Variants in ASPH observed in about 807,000 individuals in gnomAD.
ASPH encodes the protein aspartate beta-hydroxylase.
In ASPH, 100 loss-of-function variants were observed where a neutral mutation model predicts 118.4. The ratio of observed to expected loss-of-function variants is 0.84; its 90% CI spans 0.72 to 1.00. The LOEUF (loss-of-function observed/expected upper bound fraction) is 1.00. Among genes scored for constraint, ASPH ranks in the 50% least tolerant of loss-of-function variants. The pLI is 0.00. For missense variants in ASPH, 920 were observed against 919.5 expected (o/e 1.00, Z -0.01); for synonymous variants, 315 against 325.6 (o/e 0.97, Z 0.35).
chr8:61,508,282 T>C (rs567036068), intron 24 of ASPH, among the ~76,000 whole-genome samples: 1 of 152,228 alleles, frequency 6.6e-6, no homozygotes, highest in East Asian at 1.9e-4. Context: ...TCTCAAAGAG[T>C]TGGGATTACA....
intron 3 of ASPH, chr8:61,664,759 A>C: frequency 1.0e-6 from 1 of 986,314 alleles, no homozygotes; most frequent in South Asian, 4.7e-5. Flanking sequence ...GCTGGAGAGG[A>C]GGGAAGGTGG....
intron 22 of ASPH, among the ~76,000 whole-genome samples, chr8:61,521,368 T>C (rs539376879): frequency 2.0e-5 from 3 of 151,492 alleles, no homozygotes; most frequent in Non-Finnish European, 2.9e-5. Context: ...CTGTGCCAAG[T>C]CTTTCATCTA....
intron 3 of ASPH, chr8:61,662,875 T>C (rs1817633191): frequency 4.1e-6 from 4 of 984,282 alleles, no homozygotes; most frequent in Non-Finnish European, 4.8e-6. Context: ...CTTTTGATGA[T>C]TAGGTTATTC....
rs1387469075 is a variant in ASPH, at chr8:61,584,142, C to A, written c.977-113G>T. ...GATGCTGGTCTCCACCAAAGACCTG[C>A]AGGAGAAGGCACACTGCAGGCTCGC... On this transcript the variant is annotated intron_variant, in intron 14 of 24. Transcript: ENST00000379454. 11 of 639,922 alleles carry A rather than the reference C, an allele frequency of 1.7e-5. No homozygotes were observed. In the Admixed American group the frequency reaches 2.8e-4, roughly 17 times the overall value. The allele number at this position is 639,922 out of a possible 1,614,324, so 39.6% of individuals were successfully genotyped here. A position where few individuals can be genotyped will look rare whatever the true frequency, so the allele number is the denominator to read the frequency against.
At chr8:61,694,185 T>G (rs997278835) in intron 1 of ASPH, among the ~76,000 whole-genome samples, 3 of 152,176 alleles carry the variant, frequency 2.0e-5, no homozygotes, top group Non-Finnish European at 2.9e-5. Flanking sequence ...GAGTGCCCAA[T>G]GCCCAGCACA....
At chr8:61,657,860 A>G (rs1276518421) in intron 3 of ASPH, 1 of 152,226 alleles carries the variant, frequency 6.6e-6, no homozygotes, top group Non-Finnish European at 1.5e-5. Context: ...GCCCATTAAA[A>G]AGCTAAAAAG....
chr8:61,525,354 ACG>A (rs144009141), intron 22 of ASPH, among the ~76,000 whole-genome samples: 2 of 132,892 alleles, frequency 1.5e-5, no homozygotes, highest in Admixed American at 7.8e-5. Flanking sequence ...ACACACACAC[ACG>A]CACACACACA....
intron 15 of ASPH, among the ~76,000 whole-genome samples, chr8:61,581,466 A>G (rs1837501407): frequency 6.6e-6 from 1 of 152,262 alleles, no homozygotes; most frequent in African/African-American, 2.4e-5. Context: ...GAAGGATAAT[A>G]AGATACATTC....
rs556788967 is a variant in ASPH at position 61,687,492 on chromosome 8, C to T, written c.104-3304G>A. ...GCTCTATGCACAAAACTCTACATTT[C>T]AGACACAATCTAACCCAATGAGTCA... On this transcript the variant is annotated intron_variant, in intron 1 of 24. Coordinates refer to ENST00000379454, the MANE Select transcript of ASPH (RefSeq NM_004318.4). 3 of 152,270 alleles carry T rather than the reference C, an allele frequency of 2.0e-5. No individual in the cohort carries two copies. The East Asian group carries it at 5.8e-4, about 29-fold the overall frequency. The allele number at this position is 152,270 out of a possible 1,614,324, so 9.4% of individuals were successfully genotyped here. A position where few individuals can be genotyped will look rare whatever the true frequency, so the allele number is the denominator to read the frequency against.
At chr8:61,556,414 G>A (rs1445267014) in intron 18 of ASPH, among the ~76,000 whole-genome samples, 1 of 152,140 alleles carries the variant, frequency 6.6e-6, no homozygotes, top group African/African-American at 2.4e-5. Flanking sequence ...ATTCTGAATG[G>A]TTATTAGACA....
chr8:61,700,346 C>T (rs573918459), intron 1 of ASPH, among the ~76,000 whole-genome samples: 4 of 152,338 alleles, frequency 2.6e-5, no homozygotes, highest in African/African-American at 9.6e-5. Flanking sequence ...CCCCTCCTGC[C>T]CTGCTGCAAA....
At chr8:61,621,279 G>A (rs1002345730) in intron 13 of ASPH, among the ~76,000 whole-genome samples, 1 of 149,392 alleles carries the variant, frequency 6.7e-6, no homozygotes, top group Non-Finnish European at 1.5e-5. Flanking sequence ...GTAATACTTT[G>A]CATTAGTTTT....
At chr8:61,555,839 A>G in intron 19 of ASPH, 85 bp downstream of exon 19, 2 of 1,185,082 alleles carry the variant, frequency 1.7e-6, no homozygotes, top group Non-Finnish European at 1.2e-6. Context: ...AGTGCATGCA[A>G]TCAATCTACA....
chr8:61,616,859 AC>A (rs1211797336), intron 14 of ASPH, among the ~76,000 whole-genome samples: 10 of 152,090 alleles, frequency 6.6e-5, no homozygotes, highest in Non-Finnish European at 1.5e-4. Flanking sequence ...TGGTCTCCCT[AC>A]TGGGATGTGA....
Position 61,548,090 on chromosome 8 carries a change from C to T in ASPH, c.1745G>A (p.Gly582Asp). 1 of 1,613,684 alleles carries T rather than the reference C, an allele frequency of 6.2e-7. No individual in the cohort carries two copies. The highest frequency in any genetic ancestry group is 8.5e-7 in the Non-Finnish European group (1 of 1,179,738). Residue 582 changes from glycine to aspartate, a missense_variant, in exon 21 of 25, where the codon GGC becomes GAC. Gly to Asp is a moderately conservative substitution (Grantham distance 94). Transcript: ENST00000379454. Reference sequence around the variant, plus strand: ...ACTTACCTTTACTAACTCTGTGTAGCCCGTTTCTTTTGGGGTCCACCAAGG... The same window carrying T: ...ACTTACCTTTACTAACTCTGTGTAGTCCGTTTCTTTTGGGGTCCACCAAGG... ...AQPWWTPKET[G>D]YTELVKSLER...
chr8:61,505,283 C>G (rs535050071), intron 24 of ASPH, among the ~76,000 whole-genome samples: 2 of 152,246 alleles, frequency 1.3e-5, no homozygotes, highest in East Asian at 3.9e-4. Context: ...ATCACAAGGT[C>G]AGGGGTTCGA....
chr8:61,699,476 T>C (rs937303890), intron 1 of ASPH, among the ~76,000 whole-genome samples: 4 of 152,100 alleles, frequency 2.6e-5, no homozygotes, highest in African/African-American at 7.2e-5. Context: ...CTCAGTAAAA[T>C]GAAAAATAAT....
At chr8:61,519,420 G>A (rs1010368425) in intron 22 of ASPH, among the ~76,000 whole-genome samples, 4 of 151,904 alleles carry the variant, frequency 2.6e-5, no homozygotes, top group Non-Finnish European at 4.4e-5. Flanking sequence ...TTACATAAGC[G>A]GACCCATAAC....
intron 13 of ASPH, among the ~76,000 whole-genome samples, chr8:61,629,438 A>G (rs1036024174): frequency 6.6e-6 from 1 of 152,212 alleles, no homozygotes; most frequent in South Asian, 2.1e-4. Flanking sequence ...ATTTCAAGGA[A>G]AACTATGAGT....
Sources: allele counts gnomAD v4.1 joint callset (sites outside exome capture counted in the v4.1 genomes callset), GRCh38; gene constraint gnomAD v4.1.1; transcripts MANE v1.5; gene names NCBI Gene and HGNC (gene_info 2026-07-23, HGNC 2026-07-21).